USP36: variants seen among roughly 807,000 people sequenced by gnomAD.
The protein encoded by USP36 is ubiquitin carboxyl-terminal hydrolase 36.
A neutral mutation model predicts 111.5 loss-of-function variants in USP36; 59 were observed. The observed-to-expected ratio is 0.53, with a 90% CI of 0.43 to 0.66. The LOEUF is 0.66. Among genes scored for constraint, USP36 ranks in the 30% least tolerant of loss-of-function variants. USP36 has a pLI of 0.00. For synonymous variants in USP36, 628 were observed against 581.0 expected (o/e 1.08, Z -1.16); for missense variants, 1,488 against 1,468.0 (o/e 1.01, Z -0.22).
At chr17:78,830,544 G>T (rs1041603404) in intron 4 of USP36, among the ~76,000 whole-genome samples, 2 of 152,106 alleles carry the variant, frequency 1.3e-5, no homozygotes, top group Non-Finnish European at 2.9e-5. Context: ...TGGACCAAAG[G>T]GCAAGCACGC....
At chr17:78,802,611 C>T (rs964770370) in intron 16 of USP36, 76 bp from the exon 17 acceptor site, 2 of 1,427,966 alleles carry the variant, frequency 1.4e-6, no homozygotes, top group African/African-American at 1.4e-5. Flanking sequence ...CACCCGCCTG[C>T]AACATGGAGA....
intron 13 of USP36, among the ~76,000 whole-genome samples, chr17:78,810,085 G>A (rs1212504628): frequency 6.6e-6 from 1 of 151,892 alleles, no homozygotes; most frequent in East Asian, 1.9e-4. Flanking sequence ...ACCTCAAATG[G>A]TCCACCCACC....
chr17:78,810,986 C>A (rs2094036481), intron 13 of USP36, among the ~76,000 whole-genome samples: 1 of 151,920 alleles, frequency 6.6e-6, no homozygotes, highest in Admixed American at 6.6e-5. Context: ...TGCTGGCGGG[C>A]ACCTGTAATT....
intron 6 of USP36, chr17:78,823,068 A>C (rs73407932): frequency 0.028 from 10,991 of 398,786 alleles, 977 homozygotes; most frequent in African/African-American, 0.2. Flanking sequence ...CCTCCCACAG[A>C]ACATGCACAC....
chr17:78,807,742 T>C lies in USP36; in HGVS notation c.1408-106A>G, dbSNP rs537413951. 2.3e-4 allele frequency: 252 copies of C among 1,112,632 alleles called. 1 individual carries two copies. The South Asian group carries it at 4.2e-3, about 19-fold the overall frequency. The allele number at this position is 1,112,632 out of a possible 1,614,324, so 68.9% of individuals were successfully genotyped here. On this transcript the variant is annotated intron_variant, in intron 13 of 20. Coordinates refer to ENST00000449938, the MANE Select transcript of USP36 (RefSeq NM_001385174.1). The stretch of plus-strand genomic sequence containing the variant: ...TCTTAGTAGCAGGCATGGCCTCTGA[T>C]TAGCATGCTCAAGATAAATTATTTA...
At chr17:78,823,445 G>A (rs1420370340) in intron 6 of USP36, among the ~76,000 whole-genome samples, 5 of 152,120 alleles carry the variant, frequency 3.3e-5, no homozygotes, top group African/African-American at 1.2e-4. Flanking sequence ...AAGCACAACT[G>A]TCACCTTCCC....
intron 6 of USP36, among the ~76,000 whole-genome samples, chr17:78,826,155 C>T (rs1043616920): frequency 7.2e-5 from 11 of 152,124 alleles, no homozygotes; most frequent in Non-Finnish European, 1.3e-4. Context: ...GGGAAGAACG[C>T]GTGACCAAAC....
chr17:78,835,018 T>TATATA, intron 4 of USP36, among the ~76,000 whole-genome samples: 1 of 149,122 alleles, frequency 6.7e-6, no homozygotes, highest in African/African-American at 2.5e-5. Flanking sequence ...TATATATATA[T>TATATA]TTTGGAAGTA....
At chr17:78,835,949 G>T in intron 3 of USP36, 162 bp downstream of exon 3, 2 of 1,019,426 alleles carry the variant, frequency 2.0e-6, no homozygotes, top group Non-Finnish European at 2.8e-6. Context: ...TACCAACCCT[G>T]TATCATTACT....
At chr17:78,828,343 C>A (rs1343847451) in intron 5 of USP36, among the ~76,000 whole-genome samples, 2 of 152,280 alleles carry the variant, frequency 1.3e-5, no homozygotes, top group Non-Finnish European at 2.9e-5. Context: ...TTCTTTCTGC[C>A]AAGTGAATGT....
chr17:78,809,419 T>G (rs2093995021), intron 13 of USP36, among the ~76,000 whole-genome samples: 1 of 152,320 alleles, frequency 6.6e-6, no homozygotes, highest in East Asian at 1.9e-4. Context: ...GGCTGAACAT[T>G]TCCATACACA....
Position 78,795,708 on chromosome 17 carries a change from AG to A in USP36, c.*2191del, listed in dbSNP as rs2093618743. 2 of 152,362 alleles carry A rather than the reference AG, an allele frequency of 1.3e-5. No homozygotes were observed. The highest frequency in any genetic ancestry group is 6.5e-5 in the Admixed American group (1 of 15,304). The allele number at this position is 152,362 out of a possible 1,614,324, so 9.4% of individuals were successfully genotyped here. On this transcript the variant is annotated 3_prime_UTR_variant, in exon 21 of 21. Transcript: ENST00000449938. This position sits in a 1 kb window ranked among gnomAD's most constrained non-coding sequence, Gnocchi z 4.5. ...ATCTTGGCAACACGTGGGGCTCCCC[AG>A]GCCCCCGGAAAGGAGGTGCAGAGGA...
chr17:78,804,733 T>C (rs1055053313), intron 15 of USP36, among the ~76,000 whole-genome samples: 2 of 150,480 alleles, frequency 1.3e-5, no homozygotes, highest in Non-Finnish European at 2.9e-5. Flanking sequence ...AATTGTTCCA[T>C]GCCTTAGTTT....
intron 15 of USP36, among the ~76,000 whole-genome samples, chr17:78,805,235 C>A (rs985849914): frequency 6.6e-6 from 1 of 152,130 alleles, no homozygotes; most frequent in Non-Finnish European, 1.5e-5. Flanking sequence ...GCCAGCTGCA[C>A]GATGTTTGAT....
chr17:78,821,856 G>T, intron 7 of USP36, 81 bp downstream of exon 7: 1 of 1,521,256 alleles, frequency 6.6e-7, no homozygotes, highest in Non-Finnish European at 9.1e-7. Flanking sequence ...AAGAGCCCCA[G>T]CCTGCGTTCC....
intron 14 of USP36, 70 bp from the exon 15 acceptor site, chr17:78,806,356 A>G (rs1038457037): frequency 1.2e-5 from 19 of 1,582,214 alleles, no homozygotes; most frequent in Non-Finnish European, 1.5e-5. Flanking sequence ...AGGGAAAACA[A>G]AAGTAACAAA....
rs766079613 is a variant in USP36, at chr17:78,836,231, C to T, written c.133G>A (p.Ala45Thr). The T allele has an allele frequency of 6.2e-7, 1 of 1,614,130 alleles. No individual in the cohort carries two copies. Among genetic ancestry groups the T allele is most frequent in the Non-Finnish European group, 8.5e-7 (1 of 1,180,026 alleles). The change falls in exon 3 of 21, where the codon GCC becomes ACC. Residue 45 changes from alanine (A) to threonine (T), a missense_variant. By Grantham distance (58) the Ala-to-Thr change is moderately conservative (BLOSUM62 0). Transcript: ENST00000449938. ...VLLQKIEFEP[A>T]SKSFSYQLEA... ...AGCTGGTAGGAGAAGCTCTTGCTGG[C>T]TGGCTCGAACTCGATTTTCTGTAAA...
intron 8 of USP36, 30 bp downstream of exon 8, chr17:78,820,961 G>C (rs1286670984): frequency 1.3e-6 from 2 of 1,596,868 alleles, no homozygotes; most frequent in Admixed American, 3.4e-5. Flanking sequence ...CTCTCCTACT[G>C]CAAAAGTGAA....
intron 13 of USP36, among the ~76,000 whole-genome samples, chr17:78,810,389 G>A (rs1442797797): frequency 6.6e-6 from 1 of 152,020 alleles, no homozygotes; most frequent in Non-Finnish European, 1.5e-5. Flanking sequence ...CCTGGCTCAA[G>A]TGATCCTCCC....
Sources: gnomAD v4.1 joint callset for allele counts (sites outside exome capture counted in the v4.1 genomes callset) on GRCh38, gnomAD v4.1.1 for gene constraint, Gnocchi (gnomAD v3.1) non-coding constraint, MANE v1.5 for transcripts, NCBI Gene and HGNC (gene_info 2026-07-23, HGNC 2026-07-21) for gene names.